Variants in HDAC9 observed in about 807,000 individuals in gnomAD.
HDAC9 encodes the protein histone deacetylase 9, also known as MEF-2 interacting transcription repressor (MITR) protein.
HDAC9 carries 41 observed loss-of-function variants against 139.4 expected under a neutral mutation model. The observed-to-expected ratio is 0.29, with a 90% CI of 0.23 to 0.38. HDAC9 has a LOEUF of 0.38. Among genes scored for constraint, HDAC9 ranks in the 10% least tolerant of loss-of-function variants. The pLI is 1.00. For missense variants in HDAC9, 1,147 were observed against 1,297.0 expected, an observed-to-expected ratio of 0.88 and a Z score of 1.78; for synonymous variants, 517 against 476.2, an observed-to-expected ratio of 1.09 and a Z score of -1.12.
chr7:18,566,351 T>C (rs966554325), intron 2 of HDAC9, among the ~76,000 whole-genome samples: 2 of 152,248 alleles, frequency 1.3e-5, no homozygotes, highest in African/African-American at 4.8e-5. Context: ...ATTTCTTATC[T>C]GGTAGGGATC....
intron 1 of HDAC9, among the ~76,000 whole-genome samples, chr7:18,089,418 A>T (rs1157264990): frequency 1.3e-5 from 2 of 152,134 alleles, no homozygotes; most frequent in African/African-American, 4.8e-5. Flanking sequence ...TTTGGTGACC[A>T]AATTAAGCAT....
At chr7:18,891,851 G>A (rs2129270266) in intron 22 of HDAC9, among the ~76,000 whole-genome samples, 1 of 152,256 alleles carries the variant, frequency 6.6e-6, no homozygotes, top group African/African-American at 2.4e-5. Flanking sequence ...AAACAGCCTG[G>A]CAGGTCTTTG....
chr7:18,392,420 G>C (rs1378534103), intron 1 of HDAC9, among the ~76,000 whole-genome samples: 3 of 151,582 alleles, frequency 2.0e-5, no homozygotes, highest in African/African-American at 7.3e-5. Context: ...TAGATAGATA[G>C]ATAGATAGAT....
At chr7:18,882,365 A>C (rs1407821886) in intron 22 of HDAC9, among the ~76,000 whole-genome samples, 1 of 152,082 alleles carries the variant, frequency 6.6e-6, no homozygotes, top group Non-Finnish European at 1.5e-5. Context: ...AATTGTATTC[A>C]GGGAAGTCAT....
At chr7:18,622,971 C>A (rs944901395) in intron 6 of HDAC9, among the ~76,000 whole-genome samples, 2 of 151,588 alleles carry the variant, frequency 1.3e-5, no homozygotes. Flanking sequence ...TGGCAAAACC[C>A]CATCTGTATA....
intron 16 of HDAC9, among the ~76,000 whole-genome samples, chr7:18,791,418 A>T (rs1305363942): frequency 6.6e-6 from 1 of 152,192 alleles, no homozygotes; most frequent in Admixed American, 6.5e-5. Context: ...ATACATGGTA[A>T]ATAATGGTTT....
At chr7:18,090,278 A>G (rs1210966864) in intron 1 of HDAC9, among the ~76,000 whole-genome samples, 1 of 152,184 alleles carries the variant, frequency 6.6e-6, no homozygotes, top group Non-Finnish European at 1.5e-5. Flanking sequence ...TGATAACTTC[A>G]TAAATTTATG....
chr7:18,163,211 C>G (rs1040132858), intron 2 of HDAC9, among the ~76,000 whole-genome samples: 15 of 152,110 alleles, frequency 9.9e-5, no homozygotes, highest in Non-Finnish European at 2.9e-5. Flanking sequence ...TTGGGAATTC[C>G]GCTGTTTCAT....
intron 2 of HDAC9, among the ~76,000 whole-genome samples, chr7:18,515,945 A>AC (rs1165285781): frequency 6.6e-6 from 1 of 152,238 alleles, no homozygotes; most frequent in East Asian, 1.9e-4. Context: ...TTAAAAGCCA[A>AC]TTTTTAATTT....
chr7:18,938,293 C>T (rs935191633), intron 23 of HDAC9, among the ~76,000 whole-genome samples: 1 of 145,366 alleles, frequency 6.9e-6, no homozygotes, highest in African/African-American at 2.5e-5. Flanking sequence ...CTTAAATATT[C>T]CTATATGAAA....
chr7:18,143,151 A>G (rs1161777925), intron 1 of HDAC9, among the ~76,000 whole-genome samples: 1 of 152,212 alleles, frequency 6.6e-6, no homozygotes, highest in Non-Finnish European at 1.5e-5. Context: ...AAACTGGTCT[A>G]TCCTGTGCAC....
chr7:18,178,790 A>G (rs1006155188), intron 2 of HDAC9, among the ~76,000 whole-genome samples: 12 of 152,218 alleles, frequency 7.9e-5, no homozygotes, highest in Admixed American at 7.2e-4. Flanking sequence ...TAAATATACT[A>G]CGTTTCTGAG....
intron 6 of HDAC9, among the ~76,000 whole-genome samples, chr7:18,617,010 C>T (rs1442771122): frequency 6.6e-6 from 1 of 152,186 alleles, no homozygotes. Context: ...TAAATGGAAC[C>T]ATGTTCTGTC....
At chr7:18,643,098 CT>C (rs1786242362) in intron 8 of HDAC9, among the ~76,000 whole-genome samples, 1 of 151,882 alleles carries the variant, frequency 6.6e-6, no homozygotes, top group African/African-American at 2.4e-5. Flanking sequence ...TTTTTACTTC[CT>C]TATATGTTCC....
chr7:18,427,960 C>A (rs553604870), intron 1 of HDAC9, among the ~76,000 whole-genome samples: 1 of 152,212 alleles, frequency 6.6e-6, no homozygotes, highest in South Asian at 2.1e-4. Flanking sequence ...GTTTTAGTTA[C>A]CTCATGTAAG....
At chr7:18,261,670 T>C (rs1310298476) in intron 2 of HDAC9, among the ~76,000 whole-genome samples, 2 of 152,218 alleles carry the variant, frequency 1.3e-5, no homozygotes, top group African/African-American at 4.8e-5. Flanking sequence ...TGGATTAGGA[T>C]AGTTAGGGTT....
chr7:18,251,055 A>T (rs949482402), intron 2 of HDAC9, among the ~76,000 whole-genome samples: 2 of 152,230 alleles, frequency 1.3e-5, no homozygotes, highest in Non-Finnish European at 2.9e-5. Context: ...ATACATGCAC[A>T]TGTATGGTCA....
At chr7:18,924,574 A>G (rs1804045301) in intron 22 of HDAC9, among the ~76,000 whole-genome samples, 1 of 152,136 alleles carries the variant, frequency 6.6e-6, no homozygotes, top group African/African-American at 2.4e-5. Flanking sequence ...TGGCAATGAG[A>G]CATGTCCCCA....
At chr7:18,149,661 C>T (rs879844331) in intron 1 of HDAC9, among the ~76,000 whole-genome samples, 3 of 152,070 alleles carry the variant, frequency 2.0e-5, no homozygotes, top group Non-Finnish European at 4.4e-5. Context: ...CGCCATTCTC[C>T]CGCCTCAGCC....
Sources: gnomAD v4.1 joint callset for allele counts (sites outside exome capture counted in the v4.1 genomes callset) on GRCh38, gnomAD v4.1.1 for gene constraint, MANE v1.5 for transcripts, NCBI Gene and HGNC (gene_info 2026-07-23, HGNC 2026-07-21) for gene names.